Variants in WDR76 observed in about 807,000 individuals in gnomAD.
The protein encoded by WDR76 is WD repeat-containing protein 76.
A neutral mutation model predicts 70.2 loss-of-function variants in WDR76; 52 were observed. The observed-to-expected ratio is 0.74, with a 90% CI of 0.59 to 0.93. The LOEUF (loss-of-function observed/expected upper bound fraction) is 0.93. Among genes scored for constraint, WDR76 ranks in the 40% least tolerant of loss-of-function variants. WDR76 has a pLI of 0.00. For synonymous variants in WDR76, 292 were observed against 271.1 expected (o/e 1.08, Z -0.76); for missense variants, 756 against 760.2 (o/e 0.99, Z 0.07).
chr15:43,828,454 G>A (rs548371473), intron 2 of WDR76, 88 bp downstream of exon 2: 3 of 1,205,388 alleles, frequency 2.5e-6, no homozygotes, highest in East Asian at 2.4e-5. Flanking sequence ...GATCTCTCTG[G>A]TACAAACAAG....
At chr15:43,855,339 A>C (rs538700975) in intron 9 of WDR76, among the ~76,000 whole-genome samples, 1 of 152,220 alleles carries the variant, frequency 6.6e-6, no homozygotes, top group Non-Finnish European at 1.5e-5. Context: ...AGAGAGGTTT[A>C]TGAGGTTGCT....
In WDR76 at chr15:43,867,576, T is replaced by TA. The variant is rs1424835798; in HGVS notation, c.*1184_*1185insA. The TA allele has an allele frequency of 6.1e-5, 9 of 147,228 alleles. No homozygotes were observed. Among genetic ancestry groups the TA allele is most frequent in the African/African-American group, 2.3e-4 (9 of 38,780 alleles). 9.1% of individuals were successfully genotyped at this position (147,228 alleles called of 1,614,324 possible). Reference sequence around the variant, plus strand: ...ATGTAAAATATATATATATATATATTTTATTACTATAGTACCATGGGTAAT... The same window carrying TA: ...ATGTAAAATATATATATATATATATTATTATTACTATAGTACCATGGGTAAT... On this transcript the variant is annotated 3_prime_UTR_variant, in exon 13 of 13. Transcript: ENST00000263795.
At chr15:43,852,368 T>TGTC (rs374974663) in intron 9 of WDR76, among the ~76,000 whole-genome samples, 5 of 151,418 alleles carry the variant, frequency 3.3e-5, no homozygotes, top group South Asian at 2.1e-4. Context: ...TTGTTGTTGT[T>TGTC]GTCGTCGTTG....
rs1172461077 is a variant in WDR76 at position 43,866,498 on chromosome 15, A to G, written c.*106A>G. 7.8e-7 allele frequency: 1 copy of G among 1,277,784 alleles called. No homozygotes were observed. Among genetic ancestry groups the G allele is most frequent in the Non-Finnish European group, 1.1e-6 (1 of 914,390 alleles). The allele number at this position is 1,277,784 out of a possible 1,614,324, so 79.2% of individuals were successfully genotyped here. ...ATGTGGTAATGTGTTACATTTAGCA[A>G]TTATAACATTGTTTTATTAATAAGA... On this transcript the variant is annotated 3_prime_UTR_variant, in exon 13 of 13. Transcript: ENST00000263795.
chr15:43,840,631 G>C (rs1172762030), intron 5 of WDR76, among the ~76,000 whole-genome samples: 1 of 152,084 alleles, frequency 6.6e-6, no homozygotes, highest in Non-Finnish European at 1.5e-5. Context: ...TAGGTGTTAT[G>C]GGAAGCAGCA....
At chr15:43,833,381 C>A (rs1320765779) in intron 2 of WDR76, among the ~76,000 whole-genome samples, 1 of 146,246 alleles carries the variant, frequency 6.8e-6, no homozygotes, top group Non-Finnish European at 1.5e-5. Flanking sequence ...TGCAGTGGCG[C>A]CATCTCGGCT....
chr15:43,863,574 A>G (rs1261510271), intron 12 of WDR76, among the ~76,000 whole-genome samples: 2 of 151,712 alleles, frequency 1.3e-5, no homozygotes, highest in African/African-American at 2.4e-5. Context: ...AAAAAAAAAA[A>G]AAAGAAACAG....
At position 43,849,458 on chromosome 15, in the gene WDR76, G is replaced by A. The variant is rs117469604; in HGVS notation, c.1033-1629G>A. 6.6e-3 allele frequency among the ~76,000 whole-genome samples: 1,010 copies of A among 152,134 alleles called. 18 individuals are homozygous for A. The highest frequency in any genetic ancestry group is 0.041 in the East Asian group (214 of 5,174). Reference sequence around the variant, plus strand: ...AAAAAAGGACCATGCTGTATATGCCGTTTTAAATCACATTAAATTTAACTA... The same window carrying A: ...AAAAAAGGACCATGCTGTATATGCCATTTTAAATCACATTAAATTTAACTA... On this transcript the variant is annotated intron_variant, in intron 8 of 12. Coordinates refer to ENST00000263795, the MANE Select transcript of WDR76 (RefSeq NM_024908.4).
At chr15:43,866,011 G>T (rs1315190551) in intron 12 of WDR76, 117 bp from the exon 13 acceptor site, 3 of 1,265,676 alleles carry the variant, frequency 2.4e-6, no homozygotes, top group Non-Finnish European at 3.2e-6. Context: ...GTAACTTAAT[G>T]AGAAGAAACT....
At chr15:43,850,667 G>A (rs1222853633) in intron 8 of WDR76, among the ~76,000 whole-genome samples, 1 of 152,106 alleles carries the variant, frequency 6.6e-6, no homozygotes, top group African/African-American at 2.4e-5. Context: ...AATACCTTAC[G>A]AAAATTACAC....
rs1303261103 is a variant in WDR76 at position 43,842,659 on chromosome 15, C to G, written c.866C>G (p.Ser289Cys). ...PSSKNTEKGLSSIKSYKANLN... is the reference protein window; with the variant it reads ...PSSKNTEKGLCSIKSYKANLN... ...AGTAAGAACACTGAGAAGGGATTATCTAGCATTAAAAGGTAAGTTGAAATT... is the reference window on the plus strand; with the variant it reads ...AGTAAGAACACTGAGAAGGGATTATGTAGCATTAAAAGGTAAGTTGAAATT... The change falls in exon 7 of 13, where the codon TCT becomes TGT. Residue 289 changes from serine (S) to cysteine (C), a missense_variant. Physicochemically the swap from Ser to Cys is moderately radical, Grantham distance 112 (BLOSUM62 -1). Coordinates refer to ENST00000263795, the MANE Select transcript of WDR76 (RefSeq NM_024908.4). 1.9e-6 allele frequency: 3 copies of G among 1,609,410 alleles called. No individual in the cohort carries two copies. The highest frequency in any genetic ancestry group is 2.2e-5 in the East Asian group (1 of 44,760).
intron 10 of WDR76, 110 bp downstream of exon 10, chr15:43,857,273 T>G: frequency 8.6e-7 from 1 of 1,168,976 alleles, no homozygotes. Flanking sequence ...GTATTACTTT[T>G]GTAATACCCA....
intron 9 of WDR76, among the ~76,000 whole-genome samples, chr15:43,851,625 C>A (rs1200129115): frequency 1.3e-5 from 2 of 151,970 alleles, no homozygotes; most frequent in Non-Finnish European, 2.9e-5. Flanking sequence ...ACTTACTCTT[C>A]TGTTTTTAGG....
chr15:43,855,305 T>C (rs79262507), intron 9 of WDR76, among the ~76,000 whole-genome samples: 1,546 of 152,296 alleles, frequency 0.01, 20 homozygotes, highest in African/African-American at 0.035. Flanking sequence ...TGTTATTGCA[T>C]TTAACAGGTG....
rs748924273 is a variant in WDR76 at position 43,851,234 on chromosome 15, A to G, written c.1180A>G (p.Ile394Val). Reference sequence around the variant, plus strand: ...ACGCTGTGGGGATTTTTCCAGGGCTATTTTTGAAGAGGTAAATGTTAATGT... The same window carrying G: ...ACGCTGTGGGGATTTTTCCAGGGCTGTTTTTGAAGAGGTAAATGTTAATGT... ...TLRCGDFSRAIFEEVYRNERS... is the reference protein window; with the variant it reads ...TLRCGDFSRAVFEEVYRNERS... Residue 394 changes from isoleucine to valine, a missense_variant, in exon 9 of 13, where the codon ATT becomes GTT. By Grantham distance (29) the Ile-to-Val change is conservative (BLOSUM62 3). Coordinates refer to ENST00000263795, the MANE Select transcript of WDR76 (RefSeq NM_024908.4). The G allele has an allele frequency of 1.1e-5, 18 of 1,613,890 alleles. No individual in the cohort carries two copies. Among genetic ancestry groups the G allele is most frequent in the Middle Eastern group, 1.6e-4 (1 of 6,084 alleles).
chr15:43,856,119 T>G (rs1453571012), intron 9 of WDR76, among the ~76,000 whole-genome samples: 1 of 152,190 alleles, frequency 6.6e-6, no homozygotes, highest in Non-Finnish European at 1.5e-5. Flanking sequence ...TAAAACTACC[T>G]TATTCTTTTT....
intron 8 of WDR76, among the ~76,000 whole-genome samples, chr15:43,847,292 G>A (rs2087800839): frequency 6.6e-6 from 1 of 151,276 alleles, no homozygotes; most frequent in Non-Finnish European, 1.5e-5. Context: ...TGGGAATCTT[G>A]CTCTGTCACC....
Position 43,866,483 on chromosome 15 carries a change from G to GT in WDR76, c.*92dup, listed in dbSNP as rs2088073278. On this transcript the variant is annotated 3_prime_UTR_variant, in exon 13 of 13. Coordinates refer to ENST00000263795, the MANE Select transcript of WDR76 (RefSeq NM_024908.4). ...TGCCTTAGTGTGTTTATGTGGTAAT[G>GT]TGTTACATTTAGCAATTATAACATT... is the stretch of plus-strand genomic sequence containing the variant. The GT allele has an allele frequency of 7.1e-7, 1 of 1,403,464 alleles. No homozygotes were observed. Among genetic ancestry groups the GT allele is most frequent in the Non-Finnish European group, 9.8e-7 (1 of 1,017,384 alleles). 86.9% of individuals were successfully genotyped at this position (1,403,464 alleles called of 1,614,324 possible).
chr15:43,858,593 C>G, intron 10 of WDR76, 78 bp from the exon 11 acceptor site: 1 of 1,539,308 alleles, frequency 6.5e-7, no homozygotes. Context: ...ATGTGAGTGT[C>G]TAACTTATGT....
Sources: gnomAD v4.1 joint callset for allele counts (sites outside exome capture counted in the v4.1 genomes callset) on GRCh38, gnomAD v4.1.1 for gene constraint, MANE v1.5 for transcripts, NCBI Gene and HGNC (gene_info 2026-07-23, HGNC 2026-07-21) for gene names.